FNBP4: variants seen among roughly 807,000 people sequenced by gnomAD.
FNBP4 encodes the protein formin-binding protein 4.
FNBP4 carries 34 observed loss-of-function variants against 119.3 expected under a neutral mutation model. The ratio of observed to expected loss-of-function variants is 0.28; its 90% confidence interval spans 0.22 to 0.38. The LOEUF is 0.38. Among genes scored for constraint, FNBP4 ranks in the 10% least tolerant of loss-of-function variants. The probability of loss-of-function intolerance (pLI) is 1.00; values close to 1 mark genes in which losing one functional copy is unlikely to be tolerated. For missense variants in FNBP4, 1,112 were observed against 1,228.9 expected (o/e 0.90, Z 1.42); for synonymous variants, 462 against 430.6 (o/e 1.07, Z -0.90).
At chr11:47,752,575 A>C (rs1234842248) in intron 4 of FNBP4, 7 of 182,312 alleles carry the variant, frequency 3.8e-5, no homozygotes, top group African/African-American at 1.6e-4. Flanking sequence ...GTGGGAGGCC[A>C]AGGCAGGCTG....
chr11:47,754,615 A>G lies in FNBP4; in HGVS notation c.363T>C (p.Asn121=), dbSNP rs201337355. ...ATTGTGCTAGTTTTTCGGAAACATC[A>G]TTGTCATCGTCATCACTGTCAGCAT... The part of the protein sequence containing the change: ...GAYADSDDDD[N]DVSEKLAQSK... The change falls in exon 3 of 17, where the codon AAT becomes AAC. Residue 121 remains asparagine, a synonymous_variant. Coordinates refer to ENST00000263773, the MANE Select transcript of FNBP4 (RefSeq NM_015308.5). 6.2e-7 allele frequency: 1 copy of G among 1,614,106 alleles called. No individual in the cohort carries two copies. Among genetic ancestry groups the G allele is most frequent in the East Asian group, 2.2e-5 (1 of 44,886 alleles).
chr11:47,762,080 C>T (rs984128025), intron 2 of FNBP4, among the ~76,000 whole-genome samples: 9 of 151,276 alleles, frequency 5.9e-5, no homozygotes, highest in South Asian at 2.1e-4. Context: ...TCAGATGATC[C>T]GCCAGCTTCA....
chr11:47,764,961 G>A (rs1461224221), intron 2 of FNBP4, among the ~76,000 whole-genome samples: 1 of 152,034 alleles, frequency 6.6e-6, no homozygotes, highest in Non-Finnish European at 1.5e-5. Flanking sequence ...TGTTAGAAAA[G>A]GAATAGGAGT....
At chr11:47,724,291 T>C (rs1442801568) in intron 13 of FNBP4, 119 bp from the exon 14 acceptor site, 8 of 1,512,938 alleles carry the variant, frequency 5.3e-6, no homozygotes, top group Admixed American at 1.9e-5. Context: ...GGTGAGATCA[T>C]GACTCATTGC....
chr11:47,736,569 A>G, intron 9 of FNBP4, 47 bp downstream of exon 9: 1 of 1,451,664 alleles, frequency 6.9e-7, no homozygotes, highest in Non-Finnish European at 9.4e-7. Context: ...CAAAATAATG[A>G]TAATAATAAT....
In FNBP4 at chr11:47,723,370, G is replaced by C. The variant is rs1565120775; in HGVS notation, c.2465-54C>G. The C allele has an allele frequency of 6.5e-6, 10 of 1,528,276 alleles. No homozygotes were observed. The South Asian group carries it at 1.2e-4, about 18-fold the overall frequency. The allele number at this position is 1,528,276 out of a possible 1,614,324, so 94.7% of individuals were successfully genotyped here. A position where few individuals can be genotyped will look rare whatever the true frequency, so the allele number is the denominator to read the frequency against. On this transcript the variant is annotated intron_variant, in intron 14 of 16. Transcript: ENST00000263773. ...TAAAAAGGACATCATGACAAGAACA[G>C]ATGCAATGAAAAGAGAAGTGGGGAT...
Position 47,732,466 on chromosome 11 carries a change from AGAT to A in FNBP4, c.1820+68_1820+70del. The A allele has an allele frequency of 2.5e-6, 4 of 1,600,846 alleles. No homozygotes were observed. Among genetic ancestry groups the A allele is most frequent in the Non-Finnish European group, 3.4e-6 (4 of 1,171,056 alleles). On this transcript the variant is annotated intron_variant, in intron 11 of 16. Transcript: ENST00000263773. This position sits in a 1 kb window ranked among gnomAD's most constrained non-coding sequence, Gnocchi z 4.2. ...TCTCCAGACAGGCTGTCATGTCGTC[AGAT>A]GGTGGTGATCACAAATCATGTCTGA...
chr11:47,758,144 G>C (rs183506949), intron 2 of FNBP4, among the ~76,000 whole-genome samples: 123 of 152,154 alleles, frequency 8.1e-4, no homozygotes, highest in South Asian at 4.8e-3. Context: ...GAACTGGTGC[G>C]ATCACAGCTC....
chr11:47,765,667 G>C (rs1300956646), intron 1 of FNBP4, among the ~76,000 whole-genome samples: 2 of 108,866 alleles, frequency 1.8e-5, no homozygotes, highest in Non-Finnish European at 3.9e-5. Context: ...TAAAAAAATT[G>C]CTAGGCATGA....
In FNBP4 at chr11:47,732,749, G is replaced by T; in HGVS notation, c.1687-79C>A. On this transcript the variant is annotated intron_variant, in intron 10 of 16. Coordinates refer to ENST00000263773, the MANE Select transcript of FNBP4 (RefSeq NM_015308.5). This position sits in a 1 kb window ranked among gnomAD's most constrained non-coding sequence, Gnocchi z 4.2. ...CAGGCAAAGGGGATATAAACCTTCT[G>T]CTCCAAGACTATATCCCTGTGCTCT... is the stretch of plus-strand genomic sequence containing the variant. 7.5e-7 allele frequency: 1 copy of T among 1,339,958 alleles called. No individual in the cohort carries two copies. The highest frequency in any genetic ancestry group is 2.3e-5 in the East Asian group (1 of 42,698). 83.0% of individuals were successfully genotyped at this position (1,339,958 alleles called of 1,614,324 possible). A position where few individuals can be genotyped will look rare whatever the true frequency, so the allele number is the denominator to read the frequency against.
chr11:47,737,024 T>C (rs986444336), intron 8 of FNBP4, among the ~76,000 whole-genome samples: 5 of 151,986 alleles, frequency 3.3e-5, no homozygotes, highest in Non-Finnish European at 5.9e-5. Flanking sequence ...GCTAACACAG[T>C]AGAACCGTCT....
chr11:47,729,222 A>AT (rs2097564740), intron 12 of FNBP4: 1 of 985,336 alleles, frequency 1.0e-6, no homozygotes, highest in Non-Finnish European at 1.2e-6. Flanking sequence ...ATTGTTTAGT[A>AT]TTTTGAATGA....
intron 16 of FNBP4, among the ~76,000 whole-genome samples, chr11:47,718,318 A>T (rs2097551847): frequency 6.6e-6 from 1 of 151,974 alleles, no homozygotes. Flanking sequence ...GGTCCAAGCG[A>T]TTCTCCTGCC....
intron 8 of FNBP4, among the ~76,000 whole-genome samples, chr11:47,738,069 T>C (rs144510396): frequency 6.6e-6 from 1 of 152,248 alleles, no homozygotes; most frequent in East Asian, 1.9e-4. Context: ...AACCATCTGG[T>C]AACTTCCTTC....
chr11:47,747,062 G>A (rs1356284695), intron 6 of FNBP4, among the ~76,000 whole-genome samples: 2 of 151,434 alleles, frequency 1.3e-5, no homozygotes, highest in South Asian at 2.1e-4. Context: ...TTTTGAGAGA[G>A]TCTCACTCTG....
In FNBP4 at chr11:47,751,030, C is replaced by T. The variant is rs1461809603; in HGVS notation, c.792G>A (p.Val264=). The change falls in exon 6 of 17, where the codon GTG becomes GTA. Residue 264 remains valine (V), a synonymous_variant. Coordinates refer to ENST00000263773, the MANE Select transcript of FNBP4 (RefSeq NM_015308.5). ...QGLQHYQPSS[V]PGAETSFVVN... ...CCACAAAACTAGTTTCAGCACCTGG[C>T]ACAGAACTAAAAAAATATATACTTA... 1.9e-6 allele frequency: 3 copies of T among 1,613,446 alleles called. No homozygotes were observed. Among genetic ancestry groups the T allele is most frequent in the Non-Finnish European group, 2.5e-6 (3 of 1,179,868 alleles).
Position 47,724,763 on chromosome 11 carries a change from T to G in FNBP4, c.2024A>C (p.Glu675Ala). The G allele has an allele frequency of 6.4e-7, 1 of 1,557,834 alleles. No homozygotes were observed. The highest frequency in any genetic ancestry group is 8.7e-7 in the Non-Finnish European group (1 of 1,152,122). ...SETSTGSLCK[E>A]SFSGQVSSSS... ...AGAAGAAACTTGACCAGAAAAGGAT[T>G]CTTTACAAAGAGAACCTATGAAAAC... Residue 675 changes from glutamate to alanine, a missense_variant, in exon 13 of 17, where the codon GAA (glutamate) becomes GCA (alanine). This residue lies in a region of FNBP4 where 826 missense variants were observed against 988.8 expected (regional missense o/e 0.84). Coordinates refer to ENST00000263773, the MANE Select transcript of FNBP4 (RefSeq NM_015308.5).
chr11:47,734,689 T>C (rs925425246), intron 9 of FNBP4, among the ~76,000 whole-genome samples: 2 of 152,062 alleles, frequency 1.3e-5, no homozygotes, highest in Non-Finnish European at 1.5e-5. Context: ...AAAATAAATT[T>C]TGGGGCTGGG....
chr11:47,749,002 T>C (rs956071010), intron 6 of FNBP4, among the ~76,000 whole-genome samples: 2 of 152,104 alleles, frequency 1.3e-5, no homozygotes, highest in African/African-American at 4.8e-5. Flanking sequence ...CTCACACCTA[T>C]AATGTAAGCA....
Sources: gnomAD v4.1 joint callset for allele counts (sites outside exome capture counted in the v4.1 genomes callset) on GRCh38, gnomAD v4.1.1 for gene constraint, gnomAD v4.1.1 regional missense constraint, Gnocchi (gnomAD v3.1) non-coding constraint, MANE v1.5 for transcripts, NCBI Gene and HGNC (gene_info 2026-07-23, HGNC 2026-07-21) for gene names.